The following PPP4R3A variants were observed in gnomAD, a reference collection of about 807,000 sequenced individuals.
The protein encoded by PPP4R3A is serine/threonine-protein phosphatase 4 regulatory subunit 3A.
In PPP4R3A, 15 loss-of-function variants were observed where a neutral mutation model predicts 91.7. The observed-to-expected ratio is 0.16, with a 90% CI of 0.11 to 0.25. PPP4R3A has a LOEUF of 0.25. PPP4R3A is among the 10% of genes least tolerant of loss of function. The pLI is 1.00. For missense variants in PPP4R3A, 623 were observed against 998.4 expected, an observed-to-expected ratio of 0.62 and a Z score of 5.07; for synonymous variants, 377 against 348.7, an observed-to-expected ratio of 1.08 and a Z score of -0.91.
intron 4 of PPP4R3A, among the ~76,000 whole-genome samples, chr14:91,480,674 T>C (rs1479626750): frequency 6.6e-6 from 1 of 152,208 alleles, no homozygotes; most frequent in Non-Finnish European, 1.5e-5. Context: ...TCTTCCAATC[T>C]GTTCTATTCT....
At chr14:91,472,672 TG>T (rs1195579255) in intron 9 of PPP4R3A, among the ~76,000 whole-genome samples, 2 of 152,116 alleles carry the variant, frequency 1.3e-5, no homozygotes, top group Admixed American at 6.6e-5. Context: ...GGTTTCACCG[TG>T]TTAGCCAGGA....
intron 1 of PPP4R3A, 41 bp downstream of exon 1, chr14:91,509,465 G>GT: frequency 6.4e-7 from 1 of 1,551,512 alleles, no homozygotes; most frequent in Non-Finnish European, 8.7e-7. Context: ...GCCCAGGGCC[G>GT]TGGGGGCTGC....
chr14:91,481,794 G>C lies in PPP4R3A; in HGVS notation c.697C>G (p.Pro233Ala), dbSNP rs1420697845. The change falls in exon 4 of 15, where the codon CCA (proline) becomes GCA (alanine). Residue 233 changes from proline (P) to alanine (A), a missense_variant. Coordinates refer to ENST00000554943, the MANE Select transcript of PPP4R3A (RefSeq NM_001366432.2). Reference sequence around the variant, plus strand: ...GTTAGAAATTCCCTGTGTTTTCGTGGTTGTGATAAAGCAGGATCATATTCT... The same window carrying C: ...GTTAGAAATTCCCTGTGTTTTCGTGCTTGTGATAAAGCAGGATCATATTCT... ...CLEYDPALSQ[P>A]RKHREFLTKT... The C allele has an allele frequency of 3.1e-6, 5 of 1,613,886 alleles. No individual in the cohort carries two copies. Among genetic ancestry groups the C allele is most frequent in the Non-Finnish European group, 4.2e-6 (5 of 1,180,002 alleles).
At chr14:91,477,990 T>C (rs1366381602) in intron 4 of PPP4R3A, among the ~76,000 whole-genome samples, 1 of 152,202 alleles carries the variant, frequency 6.6e-6, no homozygotes, top group Non-Finnish European at 1.5e-5. Context: ...GTAGATTCAA[T>C]ACCACTTAAG....
intron 4 of PPP4R3A, among the ~76,000 whole-genome samples, chr14:91,481,044 A>C (rs780803461): frequency 6.6e-6 from 1 of 151,808 alleles, no homozygotes; most frequent in African/African-American, 2.4e-5. Flanking sequence ...TAAAAAAAAA[A>C]AAATCAGGCT....
chr14:91,485,755 A>G, intron 2 of PPP4R3A, 25 bp from the exon 3 acceptor site: 1 of 1,484,928 alleles, frequency 6.7e-7, no homozygotes. Context: ...AAGGAGTCTG[A>G]ATGATTAACA....
Position 91,470,952 on chromosome 14 carries a change from C to G in PPP4R3A, c.1545G>C (p.Leu515Phe). The G allele has an allele frequency of 6.2e-7, 1 of 1,608,510 alleles. No individual in the cohort carries two copies. Among genetic ancestry groups the G allele is most frequent in the Non-Finnish European group, 8.5e-7 (1 of 1,178,932 alleles). ...TATGGTGCTCCACACAAAATGTTAA[C>G]AATTCCAATACAAGTGCCAATAGTT... Reference protein sequence around the residue: ...TAQLLALVLELLTFCVEHHTY... With the variant: ...TAQLLALVLEFLTFCVEHHTY... Residue 515 changes from leucine to phenylalanine, a missense_variant, in exon 10 of 15, where the codon TTG becomes TTC. Leu to Phe is a conservative substitution (Grantham distance 22, BLOSUM62 0). This residue lies in a region of PPP4R3A where 87 missense variants were observed against 233.9 expected (regional missense o/e 0.37). Coordinates refer to ENST00000554943, the MANE Select transcript of PPP4R3A (RefSeq NM_001366432.2).
At chr14:91,461,676 CA>C (rs1208477233) in intron 13 of PPP4R3A, 69 bp from the exon 14 acceptor site, 1 of 1,427,692 alleles carries the variant, frequency 7.0e-7, no homozygotes, top group Non-Finnish European at 9.7e-7. Flanking sequence ...AATGAGGTAA[CA>C]CTAAAACACA....
rs757388486 is a variant in PPP4R3A at position 91,509,510 on chromosome 14, G to A, written c.138C>T (p.Ser46=). 7.5e-6 allele frequency: 12 copies of A among 1,590,236 alleles called. No individual in the cohort carries two copies. Among genetic ancestry groups the A allele is most frequent in the African/African-American group, 4.0e-5 (3 of 74,620 alleles). Residue 46 remains serine (S), a synonymous_variant, in exon 1 of 15, where the codon AGC becomes AGT. Transcript: ENST00000554943. ...KGMSLLVRAE[S]DGSLLLESKI... is the part of the protein sequence containing the mutation. ...GCCGCGCGGGGCTTCACTTACCGTC[G>A]CTCTCAGCCCTGACAAGCAGGGACA...
At chr14:91,507,949 CTGTT>C (rs1346566933) in intron 1 of PPP4R3A, among the ~76,000 whole-genome samples, 3 of 152,072 alleles carry the variant, frequency 2.0e-5, no homozygotes, top group African/African-American at 7.2e-5. Flanking sequence ...GGGCAAAATC[CTGTT>C]TTTATTTTTT....
At chr14:91,461,912 A>G in intron 13 of PPP4R3A, 137 bp downstream of exon 13, 1 of 1,337,842 alleles carries the variant, frequency 7.5e-7, no homozygotes, top group Non-Finnish European at 9.8e-7. Flanking sequence ...CTATTCAGTC[A>G]CATCCCATAA....
chr14:91,468,408 C>T (rs914156207), intron 10 of PPP4R3A, among the ~76,000 whole-genome samples: 1 of 152,112 alleles, frequency 6.6e-6, no homozygotes, highest in Non-Finnish European at 1.5e-5. Flanking sequence ...CGCCATGGCT[C>T]ACGCCTGAAT....
intron 11 of PPP4R3A, among the ~76,000 whole-genome samples, 195 bp from the exon 12 acceptor site, chr14:91,463,072 CTT>C (rs371641390): frequency 6.7e-6 from 1 of 148,238 alleles, no homozygotes; most frequent in Admixed American, 6.8e-5. Context: ...ATCTATGGGT[CTT>C]TTTTTTTTGA....
At chr14:91,475,576 AAAAC>A (rs1021803118) in intron 7 of PPP4R3A, 723 of 362,784 alleles carry the variant, frequency 2.0e-3, no homozygotes, top group Middle Eastern at 3.7e-3. Context: ...AAAACAAAAC[AAAAC>A]AAAAAAAAAC....
chr14:91,473,284 C>T lies in PPP4R3A; in HGVS notation c.1353G>A (p.Leu451=). ...TCTCTGGGTCAACTAAAGTTCGAAG[C>T]AGGCCCATAAGCTGGACTGCTCCTC... ...ELGGAVQLMG[L]LRTLVDPENM... is the part of the protein sequence containing the mutation. Residue 451 remains leucine, a synonymous_variant, in exon 8 of 15, where the codon CTG becomes CTA. Transcript: ENST00000554943. 1 of 1,614,094 alleles carries T rather than the reference C, an allele frequency of 6.2e-7. No homozygotes were observed. Among genetic ancestry groups the T allele is most frequent in the Non-Finnish European group, 8.5e-7 (1 of 1,180,016 alleles).
chr14:91,497,573 G>A (rs1890661218), intron 1 of PPP4R3A, among the ~76,000 whole-genome samples: 1 of 152,114 alleles, frequency 6.6e-6, no homozygotes. Context: ...TGCCACTGTG[G>A]AATCTATCAT....
intron 1 of PPP4R3A, among the ~76,000 whole-genome samples, chr14:91,504,550 C>T (rs1437019987): frequency 3.3e-5 from 5 of 150,476 alleles, no homozygotes; most frequent in African/African-American, 1.2e-4. Context: ...TGCAGTGAGC[C>T]GAGATTGTGC....
intron 2 of PPP4R3A, among the ~76,000 whole-genome samples, 188 bp from the exon 3 acceptor site, chr14:91,485,918 A>C (rs1889849361): frequency 6.6e-6 from 1 of 152,234 alleles, no homozygotes; most frequent in East Asian, 1.9e-4. Flanking sequence ...TAAAACAAAA[A>C]TAATGTTTCC....
chr14:91,509,472 C>G, intron 1 of PPP4R3A, 34 bp downstream of exon 1: 1 of 1,557,640 alleles, frequency 6.4e-7, no homozygotes, highest in Non-Finnish European at 8.6e-7. Context: ...GCCGTGGGGG[C>G]TGCGAGGGTC....
Sources: gnomAD v4.1 joint callset for allele counts (sites outside exome capture counted in the v4.1 genomes callset) on GRCh38, gnomAD v4.1.1 for gene constraint, gnomAD v4.1.1 regional missense constraint, MANE v1.5 for transcripts, NCBI Gene and HGNC (gene_info 2026-07-23, HGNC 2026-07-21) for gene names.